Variants in PCDHGA9 observed in about 807,000 individuals in gnomAD.
PCDHGA9 encodes protocadherin gamma-A9.
In PCDHGA9, 37 loss-of-function variants were observed where a neutral mutation model predicts 62.5. The observed-to-expected ratio is 0.59, with a 90% CI of 0.46 to 0.78. The LOEUF is 0.78. PCDHGA9 is among the 30% of genes least tolerant of loss of function. PCDHGA9 has a pLI of 0.00. For synonymous variants in PCDHGA9, 459 were observed against 484.6 expected, an observed-to-expected ratio of 0.95 and a Z score of 0.69; for missense variants, 1,138 against 1,166.2, an observed-to-expected ratio of 0.98 and a Z score of 0.35.
intron 1 of PCDHGA9, among the ~76,000 whole-genome samples, chr5:141,475,285 A>G (rs2099361212): frequency 6.6e-6 from 1 of 152,244 alleles, no homozygotes; most frequent in Non-Finnish European, 1.5e-5. Context: ...AAGACAGGGT[A>G]GGGAAATTTC....
chr5:141,414,776 T>G (rs766689016), intron 1 of PCDHGA9: 14 of 1,614,212 alleles, frequency 8.7e-6, no homozygotes, highest in Non-Finnish European at 1.1e-5. Context: ...GAGCTACAGA[T>G]GCAGGTGACA....
At position 141,490,207 on chromosome 5, in the gene PCDHGA9, C is replaced by T. The variant is rs142098675; in HGVS notation, c.2425-4600C>T. On this transcript the variant is annotated intron_variant, in intron 1 of 3. Transcript: ENST00000573521. This position sits in a 1 kb window ranked among gnomAD's most constrained non-coding sequence, Gnocchi z 5.4. ...TTTCTATGAAATTCATGCAAGAGCC[C>T]GTGACCAGGGACAGCCTGCCATGGA... 41 of 1,614,056 alleles carry T rather than the reference C, an allele frequency of 2.5e-5. No homozygotes were observed. The highest frequency in any genetic ancestry group is 3.3e-4 in the Middle Eastern group (2 of 6,084).
Position 141,414,827 on chromosome 5 carries a change from C to T in PCDHGA9, c.2424+9451C>T, listed in dbSNP as rs1253521902. On this transcript the variant is annotated intron_variant, in intron 1 of 3. Coordinates refer to ENST00000573521, the MANE Select transcript of PCDHGA9 (RefSeq NM_018921.3). Reference sequence around the variant, plus strand: ...GATCCTCCACTCAGCAGCAACGTGTCGTTGAGCCTGTTTGTGCTGGACCAG... The same window carrying T: ...GATCCTCCACTCAGCAGCAACGTGTTGTTGAGCCTGTTTGTGCTGGACCAG... 1.9e-6 allele frequency: 3 copies of T among 1,614,116 alleles called. No individual in the cohort carries two copies. Among genetic ancestry groups the T allele is most frequent in the African/African-American group, 1.3e-5 (1 of 74,946 alleles).
chr5:141,423,065 G>C, intron 1 of PCDHGA9: 1 of 1,614,138 alleles, frequency 6.2e-7, no homozygotes, highest in Non-Finnish European at 8.5e-7. Flanking sequence ...CTTAAGGCCA[G>C]CGAGCCGGGA....
chr5:141,509,115 G>C (rs1480955058), intron 3 of PCDHGA9, among the ~76,000 whole-genome samples: 1 of 152,186 alleles, frequency 6.6e-6, no homozygotes, highest in Non-Finnish European at 1.5e-5. Flanking sequence ...GAGCGCTGGT[G>C]CGTGAAGAGA....
At chr5:141,450,829 A>T (rs187691791) in intron 1 of PCDHGA9, among the ~76,000 whole-genome samples, 19,077 of 135,014 alleles carry the variant, frequency 0.14, 1,595 homozygotes, top group African/African-American at 0.24. Context: ...TATTATTATT[A>T]TTTTTTTTTT....
intron 1 of PCDHGA9, among the ~76,000 whole-genome samples, chr5:141,469,909 C>G (rs760329158): frequency 2.0e-5 from 3 of 152,120 alleles, no homozygotes; most frequent in Non-Finnish European, 2.9e-5. Context: ...GGCAGGCAGA[C>G]CACCCGAGGT....
At chr5:141,425,111 A>C (rs2096857405) in intron 1 of PCDHGA9, among the ~76,000 whole-genome samples, 1 of 152,144 alleles carries the variant, frequency 6.6e-6, no homozygotes, top group Non-Finnish European at 1.5e-5. Flanking sequence ...AGATGCCTAC[A>C]TTTTTCTTGA....
intron 1 of PCDHGA9, chr5:141,414,274 G>C: frequency 1.9e-6 from 3 of 1,613,368 alleles, no homozygotes; most frequent in Non-Finnish European, 2.5e-6. Flanking sequence ...TTCACCTCTG[G>C]GAACAGTCGT....
At chr5:141,425,289 A>C (rs17208404) in intron 1 of PCDHGA9, among the ~76,000 whole-genome samples, 26,691 of 152,172 alleles carry the variant, frequency 0.18, 2,539 homozygotes, top group Admixed American at 0.28. Flanking sequence ...CATATTATAA[A>C]ACCTCATCTA....
At chr5:141,420,742 A>G (rs967908996) in intron 1 of PCDHGA9, among the ~76,000 whole-genome samples, 3 of 152,372 alleles carry the variant, frequency 2.0e-5, no homozygotes, top group African/African-American at 7.2e-5. Context: ...AATCAATTGG[A>G]ACCAACTACA....
At position 141,489,644 on chromosome 5, in the gene PCDHGA9, C is replaced by T. The variant is rs1244782345; in HGVS notation, c.2425-5163C>T. 11 of 1,614,070 alleles carry T rather than the reference C, an allele frequency of 6.8e-6. No individual in the cohort carries two copies. The Admixed American group carries it at 1.8e-4, about 27-fold the overall frequency. ...AATGACAACTCTCCTAGCTTTGCCA[C>T]CCCTGAGCGAGAGATGCGCATCTCA... is the stretch of plus-strand genomic sequence containing the variant. On this transcript the variant is annotated intron_variant, in intron 1 of 3. Coordinates refer to ENST00000573521, the MANE Select transcript of PCDHGA9 (RefSeq NM_018921.3). The surrounding 1 kb of genome is among the most constrained non-coding windows in gnomAD (Gnocchi z 4.5).
intron 1 of PCDHGA9, chr5:141,414,866 C>T: frequency 6.2e-7 from 1 of 1,614,230 alleles, no homozygotes; most frequent in Non-Finnish European, 8.5e-7. Flanking sequence ...GACAATGCGC[C>T]CGAGATCCTG....
chr5:141,500,051 C>A (rs991931153), intron 2 of PCDHGA9, among the ~76,000 whole-genome samples: 1 of 151,988 alleles, frequency 6.6e-6, no homozygotes, highest in Non-Finnish European at 1.5e-5. Context: ...TATCTTAATG[C>A]TCTTTTAATG....
intron 1 of PCDHGA9, chr5:141,420,165 C>T: frequency 6.2e-7 from 1 of 1,614,022 alleles, no homozygotes; most frequent in South Asian, 1.1e-5. Flanking sequence ...AATTTTTTCA[C>T]ATCTGTTGAT....
chr5:141,478,382 C>A (rs1287807889), intron 1 of PCDHGA9: 2 of 1,613,552 alleles, frequency 1.2e-6, no homozygotes, highest in South Asian at 2.2e-5. Flanking sequence ...GTCGCCGCAC[C>A]TTTACCATCA....
At chr5:141,454,774 G>A (rs1228452126) in intron 1 of PCDHGA9, among the ~76,000 whole-genome samples, 2 of 144,796 alleles carry the variant, frequency 1.4e-5, no homozygotes, top group African/African-American at 2.6e-5. Context: ...TTTTTACAAG[G>A]AAATAATCCT....
chr5:141,485,958 T>C lies in PCDHGA9; in HGVS notation c.2425-8849T>C. On this transcript the variant is annotated intron_variant, in intron 1 of 3. Transcript: ENST00000573521. The surrounding 1 kb of genome is among the most constrained non-coding windows in gnomAD (Gnocchi z 5.7). ...AGCGCACCAGCGGGCATGGTGCTCATCCAGCTCAATGCCTCAGACCCGGAC... is the reference window on the plus strand; with the variant it reads ...AGCGCACCAGCGGGCATGGTGCTCACCCAGCTCAATGCCTCAGACCCGGAC... 1 of 1,614,190 alleles carries C rather than the reference T, an allele frequency of 6.2e-7. No individual in the cohort carries two copies. The highest frequency in any genetic ancestry group is 8.5e-7 in the Non-Finnish European group (1 of 1,180,032).
At chr5:141,427,857 G>T (rs746661329) in intron 1 of PCDHGA9, 2 of 1,554,576 alleles carry the variant, frequency 1.3e-6, no homozygotes, top group Admixed American at 3.3e-5. Flanking sequence ...GCAGCTGTGC[G>T]CCTTCGAGCT....
Sources: gnomAD v4.1 joint callset for allele counts (sites outside exome capture counted in the v4.1 genomes callset) on GRCh38, gnomAD v4.1.1 for gene constraint, Gnocchi (gnomAD v3.1) non-coding constraint, MANE v1.5 for transcripts, NCBI Gene and HGNC (gene_info 2026-07-23, HGNC 2026-07-21) for gene names.